The following PSMD13 variants were observed in gnomAD, a reference collection of about 807,000 sequenced individuals.
PSMD13 encodes 26S proteasome non-ATPase regulatory subunit 13.
PSMD13 carries 8 observed loss-of-function variants against 57.4 expected under a neutral mutation model. The ratio of observed to expected loss-of-function variants is 0.14; its 90% CI spans 0.08 to 0.25. PSMD13 has a LOEUF of 0.25. PSMD13 is among the 10% of genes least tolerant of loss of function. The pLI is 1.00. For synonymous variants in PSMD13, 193 were observed against 168.2 expected, an observed-to-expected ratio of 1.15 and a Z score of -1.14; for missense variants, 400 against 461.5, an observed-to-expected ratio of 0.87 and a Z score of 1.22.
chr11:252,070 C>G lies in PSMD13; in HGVS notation c.1035+134C>G. 2.4e-6 allele frequency: 2 copies of G among 837,140 alleles called. No homozygotes were observed. Among genetic ancestry groups the G allele is most frequent in the Non-Finnish European group, 3.9e-6 (2 of 519,296 alleles). 51.9% of individuals were successfully genotyped at this position (837,140 alleles called of 1,614,324 possible). On this transcript the variant is annotated intron_variant, in intron 12 of 12. Transcript: ENST00000532097. The surrounding 1 kb of genome is among the most constrained non-coding windows in gnomAD (Gnocchi z 4.1). ...ACAAGAGGTTTTGGAGAAGGAAATA[C>G]TGCTGTTGGGTTTTTCTAAGAGCCT...
At position 250,465 on chromosome 11, in the gene PSMD13, C is replaced by G. The variant is rs572024776; in HGVS notation, c.775-338C>G. 6.9e-4 allele frequency among the ~76,000 whole-genome samples: 105 copies of G among 152,298 alleles called. 2 individuals are homozygous for G. In the South Asian group the frequency reaches 0.021, roughly 30 times the overall value. ...ACCCCCCTGGGCAGTAGGGTGTATC[C>G]TTCCCAACAGCACCTTGACCAGGAG... On this transcript the variant is annotated intron_variant, in intron 9 of 12. Transcript: ENST00000532097.
chr11:243,039 C>G (rs1478912194), intron 2 of PSMD13: 1 of 329,146 alleles, frequency 3.0e-6, no homozygotes, highest in Admixed American at 3.9e-5. Flanking sequence ...CATGATCCAC[C>G]CACCTCTGCC....
chr11:243,908 C>T, intron 2 of PSMD13, 133 bp from the exon 3 acceptor site: 1 of 795,710 alleles, frequency 1.3e-6, no homozygotes. Context: ...TTACTGTGTG[C>T]TGGGCACTGT....
intron 6 of PSMD13, among the ~76,000 whole-genome samples, chr11:246,330 C>T (rs924633015): frequency 2.0e-5 from 3 of 151,908 alleles, no homozygotes; most frequent in African/African-American, 4.8e-5. Context: ...GGTAAAACCC[C>T]GTCTCTACTA....
In PSMD13 at chr11:244,420, T is replaced by C; in HGVS notation, c.266-6T>C. 6.2e-7 allele frequency: 1 copy of C among 1,610,378 alleles called. No individual in the cohort carries two copies. The highest frequency in any genetic ancestry group is 1.1e-5 in the South Asian group (1 of 90,942). ...ATGGTCCTTCTGATTGTTCCTTCTT[T>C]TCCAGATCCTAATGTGGCTCTTACT... On this transcript the variant is annotated splice_region_variant and splice_polypyrimidine_tract_variant and intron_variant, in intron 4 of 12. Coordinates refer to ENST00000532097, the MANE Select transcript of PSMD13 (RefSeq NM_002817.4).
At chr11:238,496 G>C (rs11246030) in intron 1 of PSMD13, among the ~76,000 whole-genome samples, 23,841 of 152,174 alleles carry the variant, frequency 0.16, 2,363 homozygotes, top group Middle Eastern at 0.22. Flanking sequence ...TATGGATTTA[G>C]TATCCCTTAT....
At position 247,340 on chromosome 11, in the gene PSMD13, C is replaced by A; in HGVS notation, c.460C>A (p.Arg154Ser). The change falls in exon 7 of 13, where the codon CGT (arginine) becomes AGT (serine). Residue 154 changes from arginine to serine, a missense_variant. By Grantham distance (110) the Arg-to-Ser change is moderately radical (BLOSUM62 -1). Transcript: ENST00000532097. ...NLPGVTSVHSRFYDLSSKYYQ... is the reference protein window; with the variant it reads ...NLPGVTSVHSSFYDLSSKYYQ... ...TCCTGGTGTGACATCGGTTCACAGT[C>A]GTTTCTATGATCTCTCCAGTAAATA... 6.2e-7 allele frequency: 1 copy of A among 1,614,064 alleles called. No homozygotes were observed. Among genetic ancestry groups the A allele is most frequent in the South Asian group, 1.1e-5 (1 of 91,036 alleles).
intron 7 of PSMD13, chr11:248,515 G>A: frequency 4.1e-6 from 2 of 484,170 alleles, no homozygotes; most frequent in Non-Finnish European, 7.4e-6. Context: ...TCCTGGAAGT[G>A]GCACAGCTGA....
chr11:238,138 G>A (rs573810), intron 1 of PSMD13, among the ~76,000 whole-genome samples: 3,829 of 152,278 alleles, frequency 0.025, 163 homozygotes, highest in African/African-American at 0.086. Context: ...TGTCCCTGAG[G>A]TTTTAAATAT....
rs571839484 is a variant in PSMD13 at position 237,138 on chromosome 11, C to T, written c.89C>T (p.Thr30Met). 4 of 1,612,250 alleles carry T rather than the reference C, an allele frequency of 2.5e-6. No individual in the cohort carries two copies. The highest frequency in any genetic ancestry group is 1.3e-5 in the African/African-American group (1 of 74,980). The change falls in exon 1 of 13, where the codon ACG (threonine) becomes ATG (methionine). Residue 30 changes from threonine to methionine, a missense_variant. Thr to Met is a moderately conservative substitution (Grantham distance 81, BLOSUM62 -1). Transcript: ENST00000532097. ...AVWHRLEELY[T>M]KKLWHQLTLQ... ...TGGCACCGTCTGGAGGAGCTCTACA[C>T]GAAGAAGTGAGCGCCGAGCAGACGG...
intron 3 of PSMD13, 39 bp downstream of exon 3, chr11:244,114 T>A: frequency 6.2e-7 from 1 of 1,606,608 alleles, no homozygotes; most frequent in Middle Eastern, 1.7e-4. Context: ...TGAAAATGAG[T>A]GCATTGATGC....
At position 244,551 on chromosome 11, in the gene PSMD13, C is replaced by T. The variant is rs577325550; in HGVS notation, c.309+82C>T. On this transcript the variant is annotated intron_variant, in intron 5 of 12. Coordinates refer to ENST00000532097, the MANE Select transcript of PSMD13 (RefSeq NM_002817.4). ...ACAGCTTGTGTTCATGCTCACTGTC[C>T]AGACCTTTAGAGACCACAAGGCCTC... The T allele has an allele frequency of 2.0e-3, 2,985 of 1,527,044 alleles. 5 individuals are homozygous for T. The highest frequency in any genetic ancestry group is 2.6e-3 in the Middle Eastern group (15 of 5,872). The allele number at this position is 1,527,044 out of a possible 1,614,324, so 94.6% of individuals were successfully genotyped here.
At position 250,877 on chromosome 11, in the gene PSMD13, C is replaced by G. The variant is rs12793187; in HGVS notation, c.837+12C>G. On this transcript the variant is annotated intron_variant, in intron 10 of 12. Transcript: ENST00000532097. ...TGTGCCTCATGGAGGTAAGCGAACA[C>G]CCAGGAGCCACTTTGTCTGTGGTTT... 1 of 1,612,476 alleles carries G rather than the reference C, an allele frequency of 6.2e-7. No individual in the cohort carries two copies.
Position 238,892 on chromosome 11 carries a change from A to G in PSMD13, c.96-106A>G, listed in dbSNP as rs576222609. On this transcript the variant is annotated intron_variant, in intron 1 of 12. Coordinates refer to ENST00000532097, the MANE Select transcript of PSMD13 (RefSeq NM_002817.4). ...GAATTTTGGAGTTTTGGAGTTTTGG[A>G]TTAGAGATACCCAACCTGTATTTGT... 4 of 1,117,878 alleles carry G rather than the reference A, an allele frequency of 3.6e-6. No homozygotes were observed. The East Asian group carries it at 9.5e-5, about 26-fold the overall frequency. 69.2% of individuals were successfully genotyped at this position (1,117,878 alleles called of 1,614,324 possible).
Position 239,068 on chromosome 11 carries a change from C to G in PSMD13, c.166C>G (p.Leu56Val), listed in dbSNP as rs1423171751. Reference protein sequence around the residue: ...QDPCFAQGDGLIKLYENFISE... With the variant: ...QDPCFAQGDGVIKLYENFISE... ...TCCGTGCTTTGCCCAAGGAGATGGT[C>G]TCATTAAGGTAAATAATTTGCTATA... The change falls in exon 2 of 13, where the codon CTC becomes GTC. Residue 56 changes from leucine to valine, a missense_variant. Transcript: ENST00000532097. 3.1e-6 allele frequency: 5 copies of G among 1,613,226 alleles called. No individual in the cohort carries two copies. Among genetic ancestry groups the G allele is most frequent in the African/African-American group, 1.3e-5 (1 of 74,874 alleles).
chr11:241,830 G>A (rs560858506), intron 2 of PSMD13, among the ~76,000 whole-genome samples: 5 of 152,274 alleles, frequency 3.3e-5, no homozygotes, highest in African/African-American at 4.8e-5. Context: ...TGCCCCAGGC[G>A]TGTTTCTAAA....
chr11:239,780 T>G (rs575903841), intron 2 of PSMD13, among the ~76,000 whole-genome samples: 3 of 152,118 alleles, frequency 2.0e-5, no homozygotes, highest in Admixed American at 6.6e-5. Flanking sequence ...GGTAGCCTCC[T>G]CTTTGAAGTT....
chr11:245,484 C>T (rs1859618496), intron 6 of PSMD13, among the ~76,000 whole-genome samples: 1 of 152,228 alleles, frequency 6.6e-6, no homozygotes, highest in Non-Finnish European at 1.5e-5. Context: ...CGTGCTATTT[C>T]TCCATCTTCC....
At chr11:246,973 T>G (rs888660840) in intron 6 of PSMD13, among the ~76,000 whole-genome samples, 2 of 152,244 alleles carry the variant, frequency 1.3e-5, no homozygotes, top group African/African-American at 4.8e-5. Flanking sequence ...TTTCCCAGTC[T>G]GTAGCTTGTC....
Sources: allele counts gnomAD v4.1 joint callset (sites outside exome capture counted in the v4.1 genomes callset), GRCh38; gene constraint gnomAD v4.1.1; non-coding constraint Gnocchi (gnomAD v3.1); transcripts MANE v1.5; gene names NCBI Gene and HGNC (gene_info 2026-07-23, HGNC 2026-07-21).